FMN1: variants seen among roughly 807,000 people sequenced by gnomAD.
FMN1 encodes formin-1.
In FMN1, 110 loss-of-function variants were observed where a neutral mutation model predicts 132.4. The ratio of observed to expected loss-of-function variants is 0.83; its 90% confidence interval spans 0.71 to 0.97. FMN1 has a LOEUF of 0.97. Ranked by LOEUF, FMN1 falls within the 50% of genes least tolerant of loss-of-function variation. The pLI is 0.00. For synonymous variants in FMN1, 722 were observed against 651.7 expected (o/e 1.11, Z -1.64); for missense variants, 1,792 against 1,705.3 (o/e 1.05, Z -0.90).
chr15:32,929,765 C>CT (rs34841652), intron 9 of FMN1, among the ~76,000 whole-genome samples: 42,933 of 145,156 alleles, frequency 0.3, 6,153 homozygotes, highest in Non-Finnish European at 0.32. Flanking sequence ...ACAAGATTTC[C>CT]TTTTTTTTTT....
intron 6 of FMN1, among the ~76,000 whole-genome samples, chr15:33,034,564 G>A (rs2036101858): frequency 6.6e-6 from 1 of 152,120 alleles, no homozygotes; most frequent in South Asian, 2.1e-4. Context: ...GCAACAGAGA[G>A]AGACCTTGTC....
chr15:32,880,818 C>T (rs1273061605), intron 16 of FMN1, among the ~76,000 whole-genome samples: 4 of 152,210 alleles, frequency 2.6e-5, no homozygotes, highest in African/African-American at 9.7e-5. Context: ...TGTAATCCAT[C>T]CCCACATCCC....
intron 6 of FMN1, among the ~76,000 whole-genome samples, chr15:33,015,827 TA>T (rs1462332842): frequency 6.6e-6 from 1 of 152,182 alleles, no homozygotes; most frequent in Admixed American, 6.5e-5. Context: ...TTTTGACAGT[TA>T]AATGTTTTAA....
chr15:32,902,501 C>G (rs959528001), intron 12 of FMN1, among the ~76,000 whole-genome samples: 1 of 152,086 alleles, frequency 6.6e-6, no homozygotes, highest in Non-Finnish European at 1.5e-5. Context: ...AAAAAAATCT[C>G]TTACTAAAGT....
intron 6 of FMN1, among the ~76,000 whole-genome samples, chr15:33,059,679 A>G (rs2141220769): frequency 6.6e-6 from 1 of 152,368 alleles, no homozygotes; most frequent in African/African-American, 2.4e-5. Flanking sequence ...TCAACAGAGT[A>G]TTAATAAGTT....
chr15:32,943,704 A>G (rs2061445330), intron 9 of FMN1, among the ~76,000 whole-genome samples: 1 of 152,192 alleles, frequency 6.6e-6, no homozygotes, highest in Non-Finnish European at 1.5e-5. Context: ...CCAAATTATA[A>G]ATTAGTATAG....
chr15:32,890,058 T>C (rs1009360125), intron 15 of FMN1, among the ~76,000 whole-genome samples: 1 of 152,268 alleles, frequency 6.6e-6, no homozygotes, highest in Non-Finnish European at 1.5e-5. Context: ...CCACTTAGAA[T>C]AATATTCTCC....
intron 3 of FMN1, among the ~76,000 whole-genome samples, chr15:33,162,425 T>TA (rs202101054): frequency 0.037 from 5,337 of 142,860 alleles, 139 homozygotes; most frequent in Non-Finnish European, 0.056. Flanking sequence ...TCAGAGGAGT[T>TA]AAAAAAAAAA....
intron 10 of FMN1, among the ~76,000 whole-genome samples, chr15:32,921,153 T>G (rs1338112963): frequency 6.6e-6 from 1 of 152,136 alleles, no homozygotes; most frequent in Non-Finnish European, 1.5e-5. Flanking sequence ...ATGACCTGTA[T>G]TAGGGTGGGA....
chr15:32,793,014 A>G (rs1372134398), intron 19 of FMN1, among the ~76,000 whole-genome samples: 1 of 152,182 alleles, frequency 6.6e-6, no homozygotes, highest in Non-Finnish European at 1.5e-5. Context: ...TGAGACAGGA[A>G]GGAGTGTGTG....
At chr15:32,847,144 C>G (rs1192401658) in intron 17 of FMN1, among the ~76,000 whole-genome samples, 1 of 152,128 alleles carries the variant, frequency 6.6e-6, no homozygotes, top group Non-Finnish European at 1.5e-5. Context: ...TGAGGTTGTC[C>G]TTAGTAATAC....
At chr15:32,949,954 T>TACAC (rs1201233755) in intron 9 of FMN1, among the ~76,000 whole-genome samples, 2 of 50,196 alleles carry the variant, frequency 4.0e-5, no homozygotes, top group Non-Finnish European at 7.0e-5. Context: ...TATATATATA[T>TACAC]ATATATATAT....
rs563233314 is a variant in FMN1, at chr15:33,146,101, G to A, written c.1867+6947C>T. ...AGAGATTCTCGGGCTTCAGCCTCCC[G>A]AGTAACTGGGACTATACCATGAATT... is the stretch of plus-strand genomic sequence containing the variant. On this transcript the variant is annotated intron_variant, in intron 4 of 20. Coordinates refer to ENST00000616417, the MANE Select transcript of FMN1 (RefSeq NM_001277313.2). Among the ~76,000 whole-genome samples the A allele has an allele frequency of 2.6e-5, 4 of 151,536 alleles. No individual in the cohort carries two copies. The South Asian group carries it at 8.4e-4, about 32-fold the overall frequency.
At chr15:32,970,701 C>G (rs2031710179) in intron 7 of FMN1, 1 of 151,994 alleles carries the variant, frequency 6.6e-6, no homozygotes, top group African/African-American at 2.4e-5. Flanking sequence ...ACAGGAAGCT[C>G]ATCTACCTTC....
intron 9 of FMN1, among the ~76,000 whole-genome samples, chr15:32,931,639 C>A (rs1455570524): frequency 6.6e-6 from 1 of 152,154 alleles, no homozygotes; most frequent in African/African-American, 2.4e-5. Context: ...AAGATCATAT[C>A]TGTGAACACA....
At chr15:32,916,995 A>G (rs565116109) in intron 10 of FMN1, among the ~76,000 whole-genome samples, 1 of 152,316 alleles carries the variant, frequency 6.6e-6, no homozygotes, top group Middle Eastern at 3.4e-3. Context: ...AAAGGCAACG[A>G]TAACATGGGG....
Position 32,888,210 on chromosome 15 carries a change from A to G in FMN1, c.3797T>C (p.Leu1266Pro), listed in dbSNP as rs201849495. The change falls in exon 16 of 21, where the codon CTC becomes CCC. Residue 1266 changes from leucine (L) to proline (P), a missense_variant. Coordinates refer to ENST00000616417, the MANE Select transcript of FMN1 (RefSeq NM_001277313.2). The stretch of plus-strand genomic sequence containing the variant: ...CTTCAGTTTTCTCAAATCTTTTATG[A>G]GGTCTTCAAACTTGACTTGGGAGGC... ...FLASQVKFED[L>P]IKDLRKLKRQ... 6.2e-7 allele frequency: 1 copy of G among 1,612,806 alleles called. No individual in the cohort carries two copies. The highest frequency in any genetic ancestry group is 8.5e-7 in the Non-Finnish European group (1 of 1,179,242).
intron 6 of FMN1, among the ~76,000 whole-genome samples, chr15:33,027,485 T>C (rs1420836213): frequency 1.3e-5 from 2 of 152,144 alleles, no homozygotes; most frequent in Non-Finnish European, 1.5e-5. Flanking sequence ...TTTAAAGAAA[T>C]TGGGGACTAC....
At chr15:32,967,836 A>G (rs1420652603) in intron 8 of FMN1, among the ~76,000 whole-genome samples, 4 of 152,252 alleles carry the variant, frequency 2.6e-5, no homozygotes, top group Non-Finnish European at 5.9e-5. Context: ...AAATTGAAGA[A>G]TGCATTACCA....
Sources: gnomAD v4.1 joint callset for allele counts (sites outside exome capture counted in the v4.1 genomes callset) on GRCh38, gnomAD v4.1.1 for gene constraint, MANE v1.5 for transcripts, NCBI Gene and HGNC (gene_info 2026-07-23, HGNC 2026-07-21) for gene names.